The following HEMK2 variants were observed in gnomAD, a reference collection of about 807,000 sequenced individuals.
HEMK2 encodes the protein HemK methyltransferase 2, ETF1 glutamine and histone H4 lysine.
At chr21:28,785,767 C>T in the HEMK2 span, among the ~76,000 whole-genome samples, 1 of 152,152 alleles carries the variant, frequency 6.6e-6, no homozygotes, top group African/African-American at 2.4e-5. Context: ...TCAAATGAGA[C>T]CAGAAGAACC....
the HEMK2 span, among the ~76,000 whole-genome samples, chr21:28,881,759 G>C: frequency 6.6e-6 from 1 of 151,200 alleles, no homozygotes; most frequent in Non-Finnish European, 1.5e-5. Context: ...AGCCTCCCAA[G>C]TAGCTGGCAC....
At chr21:28,656,175 AG>A in the HEMK2 span, among the ~76,000 whole-genome samples, 3 of 151,978 alleles carry the variant, frequency 2.0e-5, no homozygotes, top group South Asian at 2.1e-4. Context: ...TCTCTTAACT[AG>A]GGGGGGAAGC....
At chr21:28,670,022 G>A in the HEMK2 span, among the ~76,000 whole-genome samples, 1 of 151,990 alleles carries the variant, frequency 6.6e-6, no homozygotes, top group Non-Finnish European at 1.5e-5. Flanking sequence ...CCTGAAGAAC[G>A]AAGCATATGA....
At chr21:28,677,413 G>A in the HEMK2 span, among the ~76,000 whole-genome samples, 1 of 152,212 alleles carries the variant, frequency 6.6e-6, no homozygotes, top group African/African-American at 2.4e-5. Flanking sequence ...CTCGAACTGG[G>A]TGGAGCCCAC....
the HEMK2 span, among the ~76,000 whole-genome samples, chr21:28,811,577 C>T: frequency 1.3e-5 from 2 of 152,102 alleles, no homozygotes; most frequent in Admixed American, 1.3e-4. Context: ...CATATTCCAA[C>T]CCAAAGAGAA....
At chr21:28,786,566 G>A in the HEMK2 span, among the ~76,000 whole-genome samples, 57 of 151,934 alleles carry the variant, frequency 3.8e-4, no homozygotes, top group African/African-American at 1.3e-3. Context: ...AGCTACTTGG[G>A]AGGCTGAAGC....
chr21:28,885,028 G>A, the HEMK2 span, among the ~76,000 whole-genome samples: 1 of 152,146 alleles, frequency 6.6e-6, no homozygotes. Context: ...TGCGTCCCCG[G>A]CACACTCATT....
the HEMK2 span, among the ~76,000 whole-genome samples, chr21:28,602,344 C>A: frequency 6.6e-6 from 1 of 152,032 alleles, no homozygotes; most frequent in Non-Finnish European, 1.5e-5. Context: ...CTCAGTAAAA[C>A]TGACATACTT....
chr21:28,737,117 GTTGGTTGGTTAA>G, the HEMK2 span, among the ~76,000 whole-genome samples: 1 of 152,214 alleles, frequency 6.6e-6, no homozygotes, highest in Non-Finnish European at 1.5e-5. Context: ...TGGTTGGTTG[GTTGGTTGGTTAA>G]TTGGTTGGTT....
chr21:28,829,541 A>G, the HEMK2 span, among the ~76,000 whole-genome samples: 3 of 152,300 alleles, frequency 2.0e-5, no homozygotes, highest in South Asian at 4.1e-4. Context: ...CAGTGCTTCA[A>G]TCTTGGACTT....
chr21:28,818,728 C>T, the HEMK2 span, among the ~76,000 whole-genome samples: 1 of 152,290 alleles, frequency 6.6e-6, no homozygotes, highest in Middle Eastern at 3.4e-3. Flanking sequence ...CATCACAGTC[C>T]GTGGGGCTCA....
chr21:28,787,442 G>GA, the HEMK2 span, among the ~76,000 whole-genome samples: 151,538 of 152,262 alleles, frequency 1, 75,412 homozygotes, highest in Middle Eastern at 1. Flanking sequence ...CAGAGTGGGA[G>GA]AAACCTTCAC....
the HEMK2 span, among the ~76,000 whole-genome samples, chr21:28,843,073 C>T: frequency 6.6e-6 from 1 of 152,074 alleles, no homozygotes; most frequent in South Asian, 2.1e-4. Flanking sequence ...TTCATTTTGT[C>T]TAGTCACTAT....
the HEMK2 span, among the ~76,000 whole-genome samples, chr21:28,621,925 A>G: frequency 2.6e-5 from 4 of 152,194 alleles, no homozygotes; most frequent in Admixed American, 2.6e-4. Flanking sequence ...CTTTACCATT[A>G]TGTAACGCCC....
At chr21:28,741,642 C>A in the HEMK2 span, among the ~76,000 whole-genome samples, 1 of 152,290 alleles carries the variant, frequency 6.6e-6, no homozygotes, top group Admixed American at 6.5e-5. Flanking sequence ...TAAGTGAGAA[C>A]ATGTGGTATT....
At chr21:28,616,621 A>T in the HEMK2 span, among the ~76,000 whole-genome samples, 1 of 152,338 alleles carries the variant, frequency 6.6e-6, no homozygotes, top group East Asian at 1.9e-4. Flanking sequence ...AGGAAAGCTC[A>T]AAATTATCAG....
the HEMK2 span, among the ~76,000 whole-genome samples, chr21:28,856,416 A>G: frequency 6.9e-6 from 1 of 145,182 alleles, no homozygotes. Flanking sequence ...ACTCCATCTC[A>G]AAAAAAAAAA....
the HEMK2 span, among the ~76,000 whole-genome samples, chr21:28,829,798 T>C: frequency 1.3e-5 from 2 of 152,196 alleles, no homozygotes; most frequent in Non-Finnish European, 2.9e-5. Flanking sequence ...TTCTAAAACT[T>C]TGGAAAACAA....
chr21:28,862,444 C>T, the HEMK2 span, among the ~76,000 whole-genome samples: 5 of 123,168 alleles, frequency 4.1e-5, 1 homozygote, highest in African/African-American at 1.6e-4. Flanking sequence ...TCAAGACCAT[C>T]CTGGCTAACA....
Sources: gnomAD v4.1 joint callset for allele counts (sites outside exome capture counted in the v4.1 genomes callset) on GRCh38, gnomAD v4.1.1 for gene constraint, MANE v1.5 for transcripts, NCBI Gene and HGNC (gene_info 2026-07-23, HGNC 2026-07-21) for gene names.